The following PRKN variants were observed in gnomAD, a reference collection of about 807,000 sequenced individuals.
PRKN encodes the protein E3 ubiquitin-protein ligase parkin.
PRKN carries 56 observed loss-of-function variants against 59.5 expected under a neutral mutation model. The observed-to-expected ratio is 0.94, with a 90% CI of 0.76 to 1.18. The LOEUF (loss-of-function observed/expected upper bound fraction) is 1.18. PRKN is among the 50% of genes most tolerant of loss of function. PRKN has a pLI of 0.00. For missense variants in PRKN, 657 were observed against 596.4 expected (o/e 1.10, Z -1.06); for synonymous variants, 250 against 222.1 (o/e 1.13, Z -1.12).
chr6:161,736,324 G>A (rs1787962266), intron 7 of PRKN, among the ~76,000 whole-genome samples: 1 of 152,200 alleles, frequency 6.6e-6, no homozygotes, highest in Non-Finnish European at 1.5e-5. Context: ...TAACCTCTCT[G>A]TACTCCTTTA....
intron 7 of PRKN, among the ~76,000 whole-genome samples, chr6:161,706,358 G>A (rs1193228855): frequency 1.3e-5 from 2 of 152,160 alleles, no homozygotes; most frequent in East Asian, 3.9e-4. Context: ...TCGCTGACTG[G>A]CCTCAGTGGG....
chr6:161,497,989 C>A lies in PRKN; in HGVS notation c.1083+50865G>T, dbSNP rs1327414251. On this transcript the variant is annotated intron_variant, in intron 9 of 11. Coordinates refer to ENST00000366898, the MANE Select transcript of PRKN (RefSeq NM_004562.3). The surrounding 1 kb of genome is among the most constrained non-coding windows in gnomAD (Gnocchi z 4.6). ...TGATCAAATGACGGGAGAGAGGAAA[C>A]CTTTGCTTCCATGAGGGGATATTTG... Among the ~76,000 whole-genome samples the A allele has an allele frequency of 3.9e-5, 6 of 152,096 alleles. No homozygotes were observed. Among genetic ancestry groups the A allele is most frequent in the Non-Finnish European group, 5.9e-5 (4 of 68,022 alleles).
At chr6:161,621,694 G>A (rs1187033048) in intron 7 of PRKN, among the ~76,000 whole-genome samples, 1 of 152,024 alleles carries the variant, frequency 6.6e-6, no homozygotes, top group Non-Finnish European at 1.5e-5. Flanking sequence ...CCTTAATCCA[G>A]TCAAGTCGAC....
chr6:162,616,810 A>G (rs1015671376), intron 1 of PRKN, among the ~76,000 whole-genome samples: 5 of 152,214 alleles, frequency 3.3e-5, no homozygotes, highest in Non-Finnish European at 1.5e-5. Flanking sequence ...AATATAATCG[A>G]GAAATGCTCT....
At chr6:162,369,977 C>T (rs1000779231) in intron 2 of PRKN, among the ~76,000 whole-genome samples, 8 of 152,148 alleles carry the variant, frequency 5.3e-5, no homozygotes, top group African/African-American at 1.9e-4. Context: ...TTAGGTCACC[C>T]TGTACTTGTC....
chr6:162,598,778 T>G (rs1301463858), intron 1 of PRKN, among the ~76,000 whole-genome samples: 4 of 141,270 alleles, frequency 2.8e-5, no homozygotes, highest in African/African-American at 5.3e-5. Context: ...GCTTGACCCG[T>G]GGAGACGGAA....
chr6:162,036,226 C>A (rs1028306848), intron 5 of PRKN, among the ~76,000 whole-genome samples: 13 of 151,124 alleles, frequency 8.6e-5, no homozygotes, highest in South Asian at 2.1e-4. Context: ...CGGGAGGCTG[C>A]GGCAGGAGAA....
intron 6 of PRKN, among the ~76,000 whole-genome samples, chr6:161,897,966 CAAAAA>C (rs55714271): frequency 2.6e-5 from 1 of 38,298 alleles, no homozygotes; most frequent in African/African-American, 1.4e-4. Context: ...GACTCCGTCT[CAAAAA>C]AAAAAAAAAA....
intron 1 of PRKN, among the ~76,000 whole-genome samples, chr6:162,541,252 A>G (rs938197342): frequency 6.6e-6 from 1 of 152,214 alleles, no homozygotes; most frequent in African/African-American, 2.4e-5. Context: ...GATGGTGATG[A>G]GTGCGTGGTG....
At chr6:161,826,497 A>G (rs1359493695) in intron 6 of PRKN, among the ~76,000 whole-genome samples, 2 of 152,170 alleles carry the variant, frequency 1.3e-5, no homozygotes, top group Admixed American at 6.5e-5. Context: ...GTACAAATGC[A>G]AAAGTGAAGG....
intron 1 of PRKN, among the ~76,000 whole-genome samples, chr6:162,690,229 A>C (rs933637869): frequency 6.6e-6 from 1 of 152,172 alleles, no homozygotes; most frequent in African/African-American, 2.4e-5. Flanking sequence ...ACTAGGTGCC[A>C]AGTACTATTC....
chr6:161,528,329 C>T (rs533615216), intron 9 of PRKN, among the ~76,000 whole-genome samples: 15 of 152,246 alleles, frequency 9.9e-5, no homozygotes, highest in African/African-American at 3.1e-4. Context: ...GCTGTGGGAA[C>T]GCAATGTGGC....
At chr6:162,230,292 T>C (rs1203437663) in intron 3 of PRKN, among the ~76,000 whole-genome samples, 2 of 152,234 alleles carry the variant, frequency 1.3e-5, no homozygotes, top group Non-Finnish European at 2.9e-5. Flanking sequence ...CCAAGAAGTA[T>C]GACAACAGTG....
At chr6:161,844,410 G>A (rs1475958097) in intron 6 of PRKN, among the ~76,000 whole-genome samples, 4 of 152,286 alleles carry the variant, frequency 2.6e-5, no homozygotes, top group Non-Finnish European at 2.9e-5. Context: ...CCCTGTGGTC[G>A]GGTTTTGGGT....
At chr6:162,617,750 GA>G (rs1318646820) in intron 1 of PRKN, among the ~76,000 whole-genome samples, 23 of 114,512 alleles carry the variant, frequency 2.0e-4, no homozygotes, top group Non-Finnish European at 3.7e-4. Context: ...ATTTTTATCT[GA>G]AAAATAATTT....
chr6:162,456,264 C>T (rs1790867785), intron 1 of PRKN, among the ~76,000 whole-genome samples: 1 of 152,076 alleles, frequency 6.6e-6, no homozygotes, highest in African/African-American at 2.4e-5. Flanking sequence ...TAAGATTCAT[C>T]CACAGACAGG....
At chr6:161,775,944 A>G (rs958189329) in intron 7 of PRKN, among the ~76,000 whole-genome samples, 4 of 152,232 alleles carry the variant, frequency 2.6e-5, no homozygotes, top group African/African-American at 7.2e-5. Flanking sequence ...GGTGAAAACT[A>G]GAATTACATG....
chr6:162,611,959 G>A (rs1400772391), intron 1 of PRKN, among the ~76,000 whole-genome samples: 4 of 151,972 alleles, frequency 2.6e-5, no homozygotes, highest in South Asian at 2.1e-4. Flanking sequence ...GCCAAGGCGG[G>A]CGTATCATAA....
At chr6:162,262,987 A>G (rs2128100306) in intron 2 of PRKN, among the ~76,000 whole-genome samples, 1 of 152,284 alleles carries the variant, frequency 6.6e-6, no homozygotes, top group Non-Finnish European at 1.5e-5. Flanking sequence ...TACGTGAAAC[A>G]CAATAGAATG....
Sources: allele counts gnomAD v4.1 joint callset (sites outside exome capture counted in the v4.1 genomes callset), GRCh38; gene constraint gnomAD v4.1.1; non-coding constraint Gnocchi (gnomAD v3.1); transcripts MANE v1.5; gene names NCBI Gene and HGNC (gene_info 2026-07-23, HGNC 2026-07-21).